The following ANK2 variants were observed in gnomAD, a reference collection of about 807,000 sequenced individuals.
ANK2 encodes ankyrin-2.
ANK2 carries 83 observed loss-of-function variants against 360.5 expected under a neutral mutation model. The observed-to-expected ratio is 0.23, with a 90% CI of 0.19 to 0.28. The LOEUF (loss-of-function observed/expected upper bound fraction) is 0.28, where lower values mean the gene tolerates loss of function less well. Ranked by LOEUF, ANK2 falls within the 10% of genes least tolerant of loss-of-function variation. ANK2 has a pLI of 1.00. For synonymous variants in ANK2, 1,740 were observed against 1,759.5 expected (o/e 0.99, Z 0.28); for missense variants, 4,201 against 4,795.7 (o/e 0.88, Z 3.66).
At chr4:112,717,912 A>G in the ANK2 span, among the ~76,000 whole-genome samples, 1 of 152,238 alleles carries the variant, frequency 6.6e-6, no homozygotes, top group African/African-American at 2.4e-5. Context: ...TCTTTCTGAT[A>G]AAAACTTGGA....
chr4:113,010,017 AAG>A (rs1371492234), intron 2 of ANK2, among the ~76,000 whole-genome samples: 3 of 152,190 alleles, frequency 2.0e-5, no homozygotes, highest in Non-Finnish European at 4.4e-5. Context: ...GTTAGCAAAT[AAG>A]AGAATAATCC....
At chr4:112,856,621 A>C (rs1317629910) in intron 1 of ANK2, among the ~76,000 whole-genome samples, 1 of 152,140 alleles carries the variant, frequency 6.6e-6, no homozygotes, top group Non-Finnish European at 1.5e-5. Flanking sequence ...CCAGCTACTC[A>C]GGAGGCTGAG....
intron 1 of ANK2, among the ~76,000 whole-genome samples, chr4:112,897,663 C>T (rs2082135783): frequency 2.0e-5 from 3 of 152,122 alleles, no homozygotes; most frequent in South Asian, 4.1e-4. Context: ...GATGGATGCT[C>T]AGCTCTCCAT....
chr4:113,363,526 C>G (rs2096357727), intron 40 of ANK2, 57 bp downstream of exon 40: 3 of 1,600,910 alleles, frequency 1.9e-6, no homozygotes, highest in Non-Finnish European at 2.6e-6. Flanking sequence ...TGCTCAACAA[C>G]CGCATCTTGC....
chr4:113,224,316 G>A (rs1332847466), intron 4 of ANK2, among the ~76,000 whole-genome samples: 1 of 152,208 alleles, frequency 6.6e-6, no homozygotes, highest in East Asian at 1.9e-4. Context: ...AATATTTACT[G>A]AACACCTACT....
intron 2 of ANK2, among the ~76,000 whole-genome samples, chr4:113,039,855 T>C (rs1048480561): frequency 1.6e-4 from 24 of 152,022 alleles, no homozygotes; most frequent in Non-Finnish European, 1.5e-4. Context: ...ACATATCTTT[T>C]AAAATATGAT....
Position 113,359,228 on chromosome 4 carries a change from C to G in ANK2, c.10610C>G (p.Pro3537Arg). ...SVPEDIFDTR[P>R]IWDESIETLI... is the part of the protein sequence containing the mutation. ...CCTGAGGACATCTTTGACACAAGGCCCATTTGGGATGAGTCTATTGAGACT... is the reference window on the plus strand; with the variant it reads ...CCTGAGGACATCTTTGACACAAGGCGCATTTGGGATGAGTCTATTGAGACT... Residue 3537 changes from proline to arginine, a missense_variant, in exon 38 of 46, where the codon CCC (proline) becomes CGC (arginine). Pro to Arg is a moderately radical substitution (Grantham distance 103). Coordinates refer to ENST00000357077, the MANE Select transcript of ANK2 (RefSeq NM_001148.6). The G allele has an allele frequency of 1.2e-6, 2 of 1,613,642 alleles. No homozygotes were observed. The highest frequency in any genetic ancestry group is 1.7e-6 in the Non-Finnish European group (2 of 1,179,758).
the ANK2 span, chr4:112,789,012 T>C: frequency 1.9e-6 from 1 of 538,284 alleles, no homozygotes; most frequent in East Asian, 2.9e-5. Flanking sequence ...GTTTAGGGCA[T>C]GGATTCTATG....
the ANK2 span, chr4:112,738,527 T>G: frequency 2.8e-6 from 1 of 362,226 alleles, no homozygotes; most frequent in South Asian, 2.3e-5. Context: ...GTGAGAGTAG[T>G]AAGGGCTGTA....
intron 4 of ANK2, among the ~76,000 whole-genome samples, chr4:113,228,535 G>C (rs1013731198): frequency 2.0e-5 from 3 of 152,110 alleles, no homozygotes; most frequent in Admixed American, 6.5e-5. Context: ...TTATGGCTGG[G>C]TATTAGTACA....
At chr4:113,084,635 G>C (rs1206175969) in intron 1 of ANK2, among the ~76,000 whole-genome samples, 1 of 152,130 alleles carries the variant, frequency 6.6e-6, no homozygotes, top group Non-Finnish European at 1.5e-5. Flanking sequence ...AAGGGTAAAA[G>C]GGGAGAAACT....
intron 2 of ANK2, among the ~76,000 whole-genome samples, chr4:112,973,811 A>G (rs1415378696): frequency 6.6e-6 from 1 of 152,222 alleles, no homozygotes; most frequent in Non-Finnish European, 1.5e-5. Context: ...GAAACATTTC[A>G]TGTGGGCCAC....
rs190802950 is a variant in ANK2, at chr4:112,950,834, G to T, written c.21+46320G>T. ...GCGGTGGCTCACGCCTGTAATCCCA[G>T]CACTTTGGGAGGCCGAAGCGGGCGG... is the stretch of plus-strand genomic sequence containing the variant. On this transcript the variant is annotated intron_variant, in intron 2 of 30. Coordinates refer to the ANK2 transcript ENST00000503271. Among the ~76,000 whole-genome samples, 918 of 150,956 alleles carry T rather than the reference G, an allele frequency of 6.1e-3. 27 individuals are homozygous for T. Among genetic ancestry groups the T allele is most frequent in the Admixed American group, 0.04 (610 of 15,180 alleles).
At chr4:113,349,590 TC>T (rs2095261367) in intron 36 of ANK2, among the ~76,000 whole-genome samples, 1 of 152,200 alleles carries the variant, frequency 6.6e-6, no homozygotes, top group East Asian at 1.9e-4. Context: ...ATTCTTTCCC[TC>T]AACTGCACAG....
chr4:113,139,109 A>C (rs2096548012), intron 1 of ANK2, among the ~76,000 whole-genome samples: 2 of 152,128 alleles, frequency 1.3e-5, no homozygotes, highest in South Asian at 4.1e-4. Context: ...ATGGCATGTG[A>C]GTCCTCTTTG....
chr4:113,291,863 G>T (rs2067833741), intron 20 of ANK2, among the ~76,000 whole-genome samples: 1 of 152,152 alleles, frequency 6.6e-6, no homozygotes, highest in Admixed American at 6.5e-5. Flanking sequence ...GAAATGGGGA[G>T]AAAAGCTGTT....
At chr4:113,011,550 C>A (rs1246821373) in intron 2 of ANK2, among the ~76,000 whole-genome samples, 5 of 151,986 alleles carry the variant, frequency 3.3e-5, no homozygotes, top group African/African-American at 1.2e-4. Flanking sequence ...AAGAGCTTGG[C>A]CTAGAGTCGT....
At chr4:113,180,955 T>C (rs1451469982) in intron 2 of ANK2, among the ~76,000 whole-genome samples, 2 of 152,230 alleles carry the variant, frequency 1.3e-5, no homozygotes, top group East Asian at 3.8e-4. Flanking sequence ...GCATCAGTGC[T>C]GGTCCTTGCT....
the ANK2 span, among the ~76,000 whole-genome samples, chr4:112,731,138 TAA>T: frequency 6.9e-6 from 1 of 143,924 alleles, no homozygotes; most frequent in South Asian, 2.2e-4. Context: ...AGACTCTGTC[TAA>T]AAAAAAAAGG....
Sources: allele counts gnomAD v4.1 joint callset (sites outside exome capture counted in the v4.1 genomes callset), GRCh38; gene constraint gnomAD v4.1.1; transcripts MANE v1.5; gene names NCBI Gene and HGNC (gene_info 2026-07-23, HGNC 2026-07-21).